DYNC2H1: variants seen among roughly 807,000 people sequenced by gnomAD.
The protein encoded by DYNC2H1 is cytoplasmic dynein 2 heavy chain 1.
In DYNC2H1, 410 loss-of-function variants were observed where a neutral mutation model predicts 570.0. The ratio of observed to expected loss-of-function variants is 0.72; its 90% CI spans 0.66 to 0.78. DYNC2H1 has a LOEUF of 0.78. Among genes scored for constraint, DYNC2H1 ranks in the 30% least tolerant of loss-of-function variants. The pLI, the probability that DYNC2H1 is intolerant of heterozygous loss-of-function variation, is 0.00. For synonymous variants in DYNC2H1, 1,688 were observed against 1,677.6 expected (o/e 1.01, Z -0.15); for missense variants, 4,865 against 5,046.4 (o/e 0.96, Z 1.09).
chr11:103,162,940 A>G, intron 29 of DYNC2H1, 88 bp from the exon 30 acceptor site: 1 of 1,191,416 alleles, frequency 8.4e-7, no homozygotes, highest in Non-Finnish European at 1.2e-6. Context: ...TAGAGTTAGT[A>G]GATTGTATAT....
Position 103,199,247 on chromosome 11 carries a change from G to A in DYNC2H1, c.7859G>A (p.Arg2620Gln), listed in dbSNP as rs773107667. ...VIKKGLIHYG[R>Q]DNQNLDILLF... Reference sequence around the variant, plus strand: ...TAAAAGGGTCTTATTCATTATGGACGAGATAACCAGAATTTAGACATTTTA... The same window carrying A: ...TAAAAGGGTCTTATTCATTATGGACAAGATAACCAGAATTTAGACATTTTA... The change falls in exon 49 of 89, where the codon CGA (arginine) becomes CAA (glutamine). Residue 2620 changes from arginine to glutamine, a missense_variant. By Grantham distance (43) the Arg-to-Gln change is conservative. Transcript: ENST00000375735. This position sits in a 1 kb window ranked among gnomAD's most constrained non-coding sequence, Gnocchi z 4.6. 1.3e-5 allele frequency: 21 copies of A among 1,587,200 alleles called. No homozygotes were observed. The East Asian group carries it at 2.5e-4, about 19-fold the overall frequency.
intron 17 of DYNC2H1, among the ~76,000 whole-genome samples, chr11:103,137,771 C>T (rs1419425168): frequency 2.0e-5 from 3 of 151,914 alleles, no homozygotes; most frequent in African/African-American, 4.8e-5. Flanking sequence ...AAGAAAGTCA[C>T]TGGTAGCTTG....
chr11:103,147,201 G>C (rs1283205060), intron 18 of DYNC2H1, among the ~76,000 whole-genome samples: 1 of 152,020 alleles, frequency 6.6e-6, no homozygotes, highest in Admixed American at 6.6e-5. Context: ...AGATTGCATT[G>C]TTTTATATTC....
At chr11:103,207,173 G>A (rs1441811178) in intron 52 of DYNC2H1, among the ~76,000 whole-genome samples, 3 of 151,146 alleles carry the variant, frequency 2.0e-5, no homozygotes, top group Admixed American at 6.6e-5. Flanking sequence ...CACCTGCCTC[G>A]GCCTCCCAAA....
At position 103,168,657 on chromosome 11, in the gene DYNC2H1, T is replaced by G. The variant is rs1192632699; in HGVS notation, c.4763-98T>G. The G allele has an allele frequency of 3.1e-6, 4 of 1,284,796 alleles. No homozygotes were observed. In the African/African-American group the frequency reaches 4.5e-5, roughly 14 times the overall value. 79.6% of individuals were successfully genotyped at this position (1,284,796 alleles called of 1,614,324 possible). ...TTCATATGTGTCATGAAATTACCAT[T>G]TAAATTCATGGAGAAATCACCTGTA... On this transcript the variant is annotated intron_variant, in intron 31 of 88. Coordinates refer to ENST00000375735, the MANE Select transcript of DYNC2H1 (RefSeq NM_001377.3).
intron 30 of DYNC2H1, among the ~76,000 whole-genome samples, chr11:103,165,646 A>G (rs1483583643): frequency 1.3e-5 from 2 of 152,232 alleles, no homozygotes; most frequent in African/African-American, 4.8e-5. Context: ...ATAGTGGGTT[A>G]TAGGACCAGA....
chr11:103,441,004 C>G (rs1174743313), intron 85 of DYNC2H1, among the ~76,000 whole-genome samples: 1 of 152,156 alleles, frequency 6.6e-6, no homozygotes, highest in Non-Finnish European at 1.5e-5. Context: ...TAAAGCACAG[C>G]TCAGATTACA....
At chr11:103,191,682 G>A (rs1862321003) in intron 46 of DYNC2H1, 63 bp downstream of exon 46, 1 of 957,124 alleles carries the variant, frequency 1.0e-6, no homozygotes, top group South Asian at 3.0e-5. Flanking sequence ...TCTCTAGATT[G>A]TATTTGTAAT....
At chr11:103,113,949 A>G (rs1858243484) in intron 2 of DYNC2H1, among the ~76,000 whole-genome samples, 154 bp from the exon 3 acceptor site, 1 of 152,194 alleles carries the variant, frequency 6.6e-6, no homozygotes, top group Non-Finnish European at 1.5e-5. Flanking sequence ...TGCTTTTCAT[A>G]GTTTTAACTG....
chr11:103,252,752 C>T lies in DYNC2H1; in HGVS notation c.10043-533C>T, dbSNP rs913441705. Among the ~76,000 whole-genome samples, 1 of 152,012 alleles carries T rather than the reference C, an allele frequency of 6.6e-6. No individual in the cohort carries two copies. Among genetic ancestry groups the T allele is most frequent in the African/African-American group, 2.4e-5 (1 of 41,384 alleles). On this transcript the variant is annotated intron_variant, in intron 65 of 88. Coordinates refer to ENST00000375735, the MANE Select transcript of DYNC2H1 (RefSeq NM_001377.3). The surrounding 1 kb of genome is among the most constrained non-coding windows in gnomAD (Gnocchi z 4.6). ...TCTTTATACATTTTGGATATTAACC[C>T]CTTATCTGATATATGGTTTATAAAT...
intron 82 of DYNC2H1, among the ~76,000 whole-genome samples, chr11:103,340,314 A>T (rs1323589260): frequency 6.6e-6 from 1 of 152,168 alleles, no homozygotes; most frequent in Non-Finnish European, 1.5e-5. Flanking sequence ...TTCTACAGAT[A>T]GGGAAGCCTG....
Position 103,186,521 on chromosome 11 carries a change from A to G in DYNC2H1, c.6893+20A>G. Reference sequence around the variant, plus strand: ...CAAAGGGTAAGAAAAATATTGGCAAAGGTATATGTTGTGGATTTATTCCTG... The same window carrying G: ...CAAAGGGTAAGAAAAATATTGGCAAGGGTATATGTTGTGGATTTATTCCTG... On this transcript the variant is annotated intron_variant, in intron 42 of 88. Coordinates refer to ENST00000375735, the MANE Select transcript of DYNC2H1 (RefSeq NM_001377.3). This position sits in a 1 kb window ranked among gnomAD's most constrained non-coding sequence, Gnocchi z 4.5. The G allele has an allele frequency of 6.2e-7, 1 of 1,602,158 alleles. No individual in the cohort carries two copies. Among genetic ancestry groups the G allele is most frequent in the South Asian group, 1.1e-5 (1 of 90,798 alleles).
intron 82 of DYNC2H1, among the ~76,000 whole-genome samples, chr11:103,340,365 C>A (rs17100415): frequency 0.22 from 32,981 of 151,478 alleles, 3,719 homozygotes; most frequent in Admixed American, 0.31. Context: ...TGCAAAATTA[C>A]GAAAATGTGA....
At position 103,205,241 on chromosome 11, in the gene DYNC2H1, C is replaced by A. The variant is rs1194136717; in HGVS notation, c.8454+277C>A. The stretch of plus-strand genomic sequence containing the variant: ...ATTAACTAGCCTATTACAGGCTGTC[C>A]TAGATTTTTAAAAAATCATAGCAAG... On this transcript the variant is annotated intron_variant, in intron 52 of 88. Transcript: ENST00000375735. This position sits in a 1 kb window ranked among gnomAD's most constrained non-coding sequence, Gnocchi z 4.5. Among the ~76,000 whole-genome samples the A allele has an allele frequency of 6.6e-6, 1 of 151,820 alleles. No individual in the cohort carries two copies. Among genetic ancestry groups the A allele is most frequent in the African/African-American group, 2.4e-5 (1 of 41,326 alleles).
intron 47 of DYNC2H1, among the ~76,000 whole-genome samples, chr11:103,196,902 G>A (rs570868035): frequency 9.9e-5 from 15 of 152,226 alleles, no homozygotes; most frequent in African/African-American, 3.6e-4. Context: ...TGAAAGTAGG[G>A]AGAACATGAC....
At position 103,334,409 on chromosome 11, in the gene DYNC2H1, A is replaced by G. The variant is rs1939003372; in HGVS notation, c.12039+10419A>G. ...TAAATCAATTATAAATTGTAAATCA[A>G]TTGTAAATTGGATAAATCAGTTTGC... On this transcript the variant is annotated intron_variant, in intron 82 of 88. Coordinates refer to ENST00000375735, the MANE Select transcript of DYNC2H1 (RefSeq NM_001377.3). The surrounding 1 kb of genome is among the most constrained non-coding windows in gnomAD (Gnocchi z 4.3). Among the ~76,000 whole-genome samples the G allele has an allele frequency of 1.3e-5, 2 of 152,194 alleles. No homozygotes were observed. The highest frequency in any genetic ancestry group is 4.8e-5 in the African/African-American group (2 of 41,466).
chr11:103,367,998 G>A (rs1940988795), intron 83 of DYNC2H1, among the ~76,000 whole-genome samples: 2 of 151,874 alleles, frequency 1.3e-5, no homozygotes, highest in South Asian at 4.2e-4. Flanking sequence ...TATATACCAT[G>A]TTTTCTTTAT....
At chr11:103,417,695 G>A (rs1399099173) in intron 84 of DYNC2H1, among the ~76,000 whole-genome samples, 1 of 151,928 alleles carries the variant, frequency 6.6e-6, no homozygotes, top group Non-Finnish European at 1.5e-5. Context: ...GACCAACATG[G>A]TGAAACCGTG....
Position 103,154,779 on chromosome 11 carries a change from G to A in DYNC2H1, c.3543G>A (p.Val1181=). 1 of 1,554,088 alleles carries A rather than the reference G, an allele frequency of 6.4e-7. No individual in the cohort carries two copies. Among genetic ancestry groups the A allele is most frequent in the Non-Finnish European group, 8.7e-7 (1 of 1,150,270 alleles). Residue 1181 remains valine (V), a synonymous_variant, in exon 24 of 89, where the codon GTG becomes GTA. Transcript: ENST00000375735. ...TTGAAGAACATTCAGTGATGACAGT[G>A]AAATTACAATCAGAGGTTGACAAAT... ...RKVEEHSVMT[V]KLQSEVDKYK...
Sources: allele counts gnomAD v4.1 joint callset (sites outside exome capture counted in the v4.1 genomes callset), GRCh38; gene constraint gnomAD v4.1.1; non-coding constraint Gnocchi (gnomAD v3.1); transcripts MANE v1.5; gene names NCBI Gene and HGNC (gene_info 2026-07-23, HGNC 2026-07-21).